RADIL: variants seen among roughly 807,000 people sequenced by gnomAD.
RADIL encodes ras-associating and dilute domain-containing protein.
A neutral mutation model predicts 97.6 loss-of-function variants in RADIL; 99 were observed. That is an observed-to-expected ratio of 1.01 (90% CI 0.86 to 1.20). The LOEUF (loss-of-function observed/expected upper bound fraction) is 1.20. Among genes scored for constraint, RADIL ranks in the 50% most tolerant of loss-of-function variants. The pLI, the probability that RADIL is intolerant of heterozygous loss-of-function variation, is 0.00. For synonymous variants in RADIL, 803 were observed against 691.8 expected, an observed-to-expected ratio of 1.16 and a Z score of -2.52; for missense variants, 1,765 against 1,498.9, an observed-to-expected ratio of 1.18 and a Z score of -2.93.
chr7:4,853,995 G>A (rs1359793497), intron 2 of RADIL, among the ~76,000 whole-genome samples: 1 of 152,182 alleles, frequency 6.6e-6, no homozygotes, highest in Non-Finnish European at 1.5e-5. Flanking sequence ...AGTGAAAGAT[G>A]AGGGGATGCC....
chr7:4,881,898 C>T (rs928649426), intron 1 of RADIL, among the ~76,000 whole-genome samples: 3 of 152,132 alleles, frequency 2.0e-5, no homozygotes, highest in South Asian at 2.1e-4. Flanking sequence ...GCTAGGTCTC[C>T]TCCCAGGGTC....
intron 9 of RADIL, chr7:4,809,451 A>C (rs1308364694): frequency 1.0e-6 from 1 of 985,274 alleles, no homozygotes; most frequent in Non-Finnish European, 1.2e-6. Flanking sequence ...TCTGACACGC[A>C]CAAGCCAACG....
chr7:4,860,282 G>A lies in RADIL; in HGVS notation c.535+17323C>T, dbSNP rs770575785. 4.3e-6 allele frequency: 7 copies of A among 1,613,856 alleles called. No homozygotes were observed. In the South Asian group the frequency reaches 6.6e-5, roughly 15 times the overall value. ...ATCTGTCAATCTTCTACCTTCTGTT[G>A]AGTGTGCTTTCTTGTCCTGAAGCAC... is the stretch of plus-strand genomic sequence containing the variant. On this transcript the variant is annotated intron_variant, in intron 2 of 14. Transcript: ENST00000399583.
rs1257633355 is a variant in RADIL, at chr7:4,813,474, C to T, written c.2139+1804G>A. ...GTTGGCAAGTGTCTTAGGGAAAAGCCGGCCATGCAATTCAGGCCCCTGAAG... is the reference window on the plus strand; with the variant it reads ...GTTGGCAAGTGTCTTAGGGAAAAGCTGGCCATGCAATTCAGGCCCCTGAAG... On this transcript the variant is annotated intron_variant, in intron 9 of 14. Transcript: ENST00000399583. This position sits in a 1 kb window ranked among gnomAD's most constrained non-coding sequence, Gnocchi z 5.0. Among the ~76,000 whole-genome samples, 2 of 152,196 alleles carry T rather than the reference C, an allele frequency of 1.3e-5. No individual in the cohort carries two copies. Among genetic ancestry groups the T allele is most frequent in the African/African-American group, 2.4e-5 (1 of 41,456 alleles).
In RADIL at chr7:4,801,882, C is replaced by T; in HGVS notation, c.2613G>A (p.Leu871=). The T allele has an allele frequency of 6.3e-7, 1 of 1,589,384 alleles. No homozygotes were observed. Among genetic ancestry groups the T allele is most frequent in the Non-Finnish European group, 8.6e-7 (1 of 1,168,410 alleles). Residue 871 remains leucine, a synonymous_variant, in exon 12 of 15, where the codon TTG becomes TTA. Transcript: ENST00000399583. ...REVAPERTLP[L]RGAPWAQAPP... Reference sequence around the variant, plus strand: ...GGGCCTGTGCCCAGGGAGCCCCCCTCAAGGGAAGAGTACGCTCCGGGGCCA... The same window carrying T: ...GGGCCTGTGCCCAGGGAGCCCCCCTTAAGGGAAGAGTACGCTCCGGGGCCA...
chr7:4,836,933 C>T (rs1372092196), intron 2 of RADIL, among the ~76,000 whole-genome samples: 1 of 152,076 alleles, frequency 6.6e-6, no homozygotes, highest in Non-Finnish European at 1.5e-5. Flanking sequence ...AGCGAAACTC[C>T]ATCCCCCGCC....
chr7:4,835,826 G>T lies in RADIL; in HGVS notation c.783+532C>A, dbSNP rs979386335. 2.6e-5 allele frequency among the ~76,000 whole-genome samples: 4 copies of T among 152,260 alleles called. No individual in the cohort carries two copies. Among genetic ancestry groups the T allele is most frequent in the African/African-American group, 9.6e-5 (4 of 41,478 alleles). Reference sequence around the variant, plus strand: ...TCTGGCAGGGCAAGTGTCCGGCAAGGTGAGGCGAGGTGGCCCTGCGCCTGG... The same window carrying T: ...TCTGGCAGGGCAAGTGTCCGGCAAGTTGAGGCGAGGTGGCCCTGCGCCTGG... On this transcript the variant is annotated intron_variant, in intron 3 of 14. Transcript: ENST00000399583. This position sits in a 1 kb window ranked among gnomAD's most constrained non-coding sequence, Gnocchi z 5.8.
chr7:4,809,564 G>A (rs1354340009), intron 9 of RADIL: 12 of 985,364 alleles, frequency 1.2e-5, no homozygotes, highest in Non-Finnish European at 1.3e-5. Flanking sequence ...AGGCACCACG[G>A]CAGGTCCCGC....
At chr7:4,850,794 C>A (rs1057474644) in intron 2 of RADIL, among the ~76,000 whole-genome samples, 4 of 152,180 alleles carry the variant, frequency 2.6e-5, no homozygotes, top group Non-Finnish European at 5.9e-5. Context: ...TTGAGTGCAG[C>A]CGTGTGAGAC....
At chr7:4,881,165 C>CA (rs969811524) in intron 1 of RADIL, among the ~76,000 whole-genome samples, 3 of 149,148 alleles carry the variant, frequency 2.0e-5, no homozygotes, top group Non-Finnish European at 4.4e-5. Flanking sequence ...CTTGTAATCC[C>CA]AGCACTTTGG....
intron 2 of RADIL, among the ~76,000 whole-genome samples, chr7:4,838,703 C>T (rs538716182): frequency 1.1e-3 from 170 of 152,318 alleles, no homozygotes; most frequent in African/African-American, 3.5e-3. Flanking sequence ...CAGCCTCCAA[C>T]GAGGGGCCGG....
chr7:4,799,745 GC>G lies in RADIL; in HGVS notation c.3006del (p.Leu1003SerfsTer27). On this transcript the variant is annotated frameshift_variant, in exon 14 of 15. Transcript: ENST00000399583. LOFTEE classifies it high-confidence loss of function. ...DGMHTHLGAP[G>X]LYIQTLLPGS... Reference sequence around the variant, plus strand: ...CCCGGGAGCAGGGTCTGGATGTAGAGCCCGGGGGCGCCCAGGTGCGTGTGCT... The same window carrying G: ...CCCGGGAGCAGGGTCTGGATGTAGAGCCGGGGGCGCCCAGGTGCGTGTGCT... 2 of 1,547,604 alleles carry G rather than the reference GC, an allele frequency of 1.3e-6. No homozygotes were observed. The highest frequency in any genetic ancestry group is 1.7e-6 in the Non-Finnish European group (2 of 1,151,526).
Position 4,883,427 on chromosome 7 carries a change from T to C in RADIL, c.-65+169A>G, listed in dbSNP as rs1464774746. ...AGGCCGGGGCCCGACAGCCAGTCGGTTCCCATGGCAACTGGGCAAACCTGC... is the reference window on the plus strand; with the variant it reads ...AGGCCGGGGCCCGACAGCCAGTCGGCTCCCATGGCAACTGGGCAAACCTGC... On this transcript the variant is annotated intron_variant, in intron 1 of 14. Coordinates refer to ENST00000399583, the MANE Select transcript of RADIL (RefSeq NM_018059.5). This position sits in a 1 kb window ranked among gnomAD's most constrained non-coding sequence, Gnocchi z 7.1. 6.6e-6 allele frequency among the ~76,000 whole-genome samples: 1 copy of C among 151,600 alleles called. No homozygotes were observed. Among genetic ancestry groups the C allele is most frequent in the African/African-American group, 2.4e-5 (1 of 41,228 alleles).
chr7:4,809,605 G>T (rs1481291770), intron 9 of RADIL: 1 of 985,462 alleles, frequency 1.0e-6, no homozygotes, highest in East Asian at 1.1e-4. Flanking sequence ...CACGCTCCTT[G>T]AACTCGACTC....
In RADIL at chr7:4,801,718, C is replaced by A. The variant is rs113902019; in HGVS notation, c.2777G>T (p.Cys926Phe). The change falls in exon 12 of 15, where the codon TGT becomes TTT. Residue 926 changes from cysteine (C) to phenylalanine (F), a missense_variant. By Grantham distance (205) the Cys-to-Phe change is radical. Transcript: ENST00000399583. ...DPDWPESGGPCGKALPERQRN... is the reference protein window; with the variant it reads ...DPDWPESGGPFGKALPERQRN... ...CTGCCTCTCTGGGAGCGCTTTTCCACAGGGGCCGCCGGACTCTGGCCAGTC... is the reference window on the plus strand; with the variant it reads ...CTGCCTCTCTGGGAGCGCTTTTCCAAAGGGGCCGCCGGACTCTGGCCAGTC... 1.7e-3 allele frequency: 2,699 copies of A among 1,610,166 alleles called. 1 individual carries two copies. Among genetic ancestry groups the A allele is most frequent in the Non-Finnish European group, 2.2e-3 (2,566 of 1,178,974 alleles).
At chr7:4,808,463 C>T in intron 9 of RADIL, 1 of 478,738 alleles carries the variant, frequency 2.1e-6, no homozygotes, top group Non-Finnish European at 2.7e-6. Flanking sequence ...CAAACTAGGG[C>T]CAGCGAGGCC....
chr7:4,849,203 G>A lies in RADIL; in HGVS notation c.536-12598C>T, dbSNP rs1165191195. ...AGAGTTCACAGTTGAAAGTGGTTATGGGGAGTTCAAAACTGGGAAGAAGGA... is the reference window on the plus strand; with the variant it reads ...AGAGTTCACAGTTGAAAGTGGTTATAGGGAGTTCAAAACTGGGAAGAAGGA... On this transcript the variant is annotated intron_variant, in intron 2 of 14. Transcript: ENST00000399583. This position sits in a 1 kb window ranked among gnomAD's most constrained non-coding sequence, Gnocchi z 5.4. Among the ~76,000 whole-genome samples, 1 of 152,098 alleles carries A rather than the reference G, an allele frequency of 6.6e-6. No homozygotes were observed.
intron 2 of RADIL, among the ~76,000 whole-genome samples, chr7:4,846,313 A>ATT (rs1783571226): frequency 6.6e-6 from 1 of 151,196 alleles, no homozygotes; most frequent in Non-Finnish European, 1.5e-5. Flanking sequence ...TGCCCAGCTA[A>ATT]TTTTTATATT....
intron 2 of RADIL, among the ~76,000 whole-genome samples, chr7:4,871,567 G>A (rs1784255830): frequency 6.6e-6 from 1 of 152,206 alleles, no homozygotes. Context: ...TCGCAGCACT[G>A]GGGGCAGGAG....
Sources: allele counts gnomAD v4.1 joint callset (sites outside exome capture counted in the v4.1 genomes callset), GRCh38; gene constraint gnomAD v4.1.1; non-coding constraint Gnocchi (gnomAD v3.1); transcripts MANE v1.5; gene names NCBI Gene and HGNC (gene_info 2026-07-23, HGNC 2026-07-21).